The following STRN variants were observed in gnomAD, a reference collection of about 807,000 sequenced individuals.
STRN encodes the protein protein phosphatase 2 regulatory subunit B'''alpha.
STRN carries 53 observed loss-of-function variants against 96.3 expected under a neutral mutation model. That is an observed-to-expected ratio of 0.55 (90% CI 0.44 to 0.69). The LOEUF is 0.69. Among genes scored for constraint, STRN ranks in the 30% least tolerant of loss-of-function variants. The pLI is 0.00. For synonymous variants in STRN, 428 were observed against 355.9 expected (o/e 1.20, Z -2.28); for missense variants, 987 against 963.9 (o/e 1.02, Z -0.32).
chr2:36,948,224 C>T (rs1475649598), intron 1 of STRN, among the ~76,000 whole-genome samples: 1 of 151,210 alleles, frequency 6.6e-6, no homozygotes, highest in African/African-American at 2.4e-5. Flanking sequence ...GCCTCAGCCA[C>T]CTGAGTAGCT....
chr2:36,845,066 G>A lies in STRN; in HGVS notation c.*4390C>T, dbSNP rs1161577926. 1 of 152,080 alleles carries A rather than the reference G, an allele frequency of 6.6e-6. No individual in the cohort carries two copies. The highest frequency in any genetic ancestry group is 1.5e-5 in the Non-Finnish European group (1 of 67,998). 9.4% of individuals were successfully genotyped at this position (152,080 alleles called of 1,614,324 possible). A position where few individuals can be genotyped will look rare whatever the true frequency, so the allele number is the denominator to read the frequency against. ...CTGAGTAAATAAAATGAATGATTATGTACTTAATAGCCTTGTAGTCACTTT... is the reference window on the plus strand; with the variant it reads ...CTGAGTAAATAAAATGAATGATTATATACTTAATAGCCTTGTAGTCACTTT... On this transcript the variant is annotated 3_prime_UTR_variant, in exon 18 of 18. Transcript: ENST00000263918.
chr2:36,874,136 C>T (rs1030526419), intron 10 of STRN, among the ~76,000 whole-genome samples: 4 of 151,290 alleles, frequency 2.6e-5, no homozygotes, highest in Non-Finnish European at 5.9e-5. Context: ...TGGTGGCGGG[C>T]ACCTGCAGTC....
At chr2:36,904,369 G>C (rs1029941337) in intron 4 of STRN, among the ~76,000 whole-genome samples, 1 of 152,142 alleles carries the variant, frequency 6.6e-6, no homozygotes, top group African/African-American at 2.4e-5. Flanking sequence ...CAAAAAACCA[G>C]GTAGTACATT....
chr2:36,924,836 C>G (rs971536126), intron 2 of STRN, among the ~76,000 whole-genome samples: 2 of 152,184 alleles, frequency 1.3e-5, no homozygotes, highest in Admixed American at 6.5e-5. Context: ...GTGGGCAGAT[C>G]ACCTGAGGTC....
intron 1 of STRN, among the ~76,000 whole-genome samples, chr2:36,945,688 A>T (rs1670963230): frequency 1.3e-5 from 2 of 152,110 alleles, no homozygotes; most frequent in Non-Finnish European, 2.9e-5. Context: ...TGCAGAAGTA[A>T]AAATCCTAAA....
At chr2:36,887,306 TAA>T (rs1190332812) in intron 7 of STRN, among the ~76,000 whole-genome samples, 19 of 148,422 alleles carry the variant, frequency 1.3e-4, no homozygotes, top group African/African-American at 4.6e-4. Flanking sequence ...AATAAATAAA[TAA>T]ATAAATACAA....
intron 1 of STRN, among the ~76,000 whole-genome samples, chr2:36,965,262 T>C (rs368881058): frequency 9.2e-5 from 14 of 152,352 alleles, no homozygotes; most frequent in East Asian, 5.8e-4. Flanking sequence ...CAACTATTCA[T>C]AGTTCTTTAA....
intron 9 of STRN, 52 bp from the exon 10 acceptor site, chr2:36,878,079 T>G (rs758643282): frequency 6.3e-7 from 1 of 1,598,768 alleles, no homozygotes; most frequent in South Asian, 1.1e-5. Flanking sequence ...GAGCCAACAT[T>G]TAGTCTCATT....
At position 36,950,208 on chromosome 2, in the gene STRN, G is replaced by GT. The variant is rs1338547776; in HGVS notation, c.234+16021dup. Among the ~76,000 whole-genome samples, 217 of 124,032 alleles carry GT rather than the reference G, an allele frequency of 1.7e-3. 1 individual carries two copies. The highest frequency in any genetic ancestry group is 5.7e-3 in the African/African-American group (191 of 33,414). 81.4% of individuals were successfully genotyped at this position (124,032 alleles called of 152,430 possible). On this transcript the variant is annotated intron_variant, in intron 1 of 17. Coordinates refer to ENST00000263918, the MANE Select transcript of STRN (RefSeq NM_003162.4). ...TTGTTGTTACTGGTTGGTTGGTTTG[G>GT]TTTTGTTTTTTTTTTTTTTTTTTTT... is the stretch of plus-strand genomic sequence containing the variant.
At chr2:36,960,531 T>C (rs955991395) in intron 1 of STRN, among the ~76,000 whole-genome samples, 3 of 152,230 alleles carry the variant, frequency 2.0e-5, no homozygotes, top group Admixed American at 6.5e-5. Flanking sequence ...CAACCATTTA[T>C]TAAGCACTTA....
At chr2:36,947,407 T>C (rs1039130042) in intron 1 of STRN, among the ~76,000 whole-genome samples, 10 of 151,740 alleles carry the variant, frequency 6.6e-5, no homozygotes, top group Non-Finnish European at 1.0e-4. Context: ...TACTATAAAA[T>C]GCTAGATATA....
At position 36,958,601 on chromosome 2, in the gene STRN, AAGTC is replaced by A. The variant is rs1180069207; in HGVS notation, c.234+7625_234+7628del. ...ATATGTCATTCACAGACTGGAAAATAAGTCAGAATAAATTATCGAGAATAAAGCA... is the reference window on the plus strand; with the variant it reads ...ATATGTCATTCACAGACTGGAAAATAAGAATAAATTATCGAGAATAAAGCA... On this transcript the variant is annotated intron_variant, in intron 1 of 17. Coordinates refer to ENST00000263918, the MANE Select transcript of STRN (RefSeq NM_003162.4). Among the ~76,000 whole-genome samples, 4 of 152,380 alleles carry A rather than the reference AAGTC, an allele frequency of 2.6e-5. No individual in the cohort carries two copies. The East Asian group carries it at 7.7e-4, about 29-fold the overall frequency.
Position 36,899,509 on chromosome 2 carries a change from G to C in STRN, c.795+14C>G, listed in dbSNP as rs1325463687. 6.2e-7 allele frequency: 1 copy of C among 1,606,508 alleles called. No homozygotes were observed. Among genetic ancestry groups the C allele is most frequent in the African/African-American group, 1.3e-5 (1 of 74,144 alleles). On this transcript the variant is annotated intron_variant, in intron 6 of 17. Transcript: ENST00000263918. ...CCCTAAAAATATTTATATTGTATGA[G>C]TTATCTAACTCACTGTTGAAGTATC...
At chr2:36,893,794 T>C in intron 7 of STRN, 104 bp downstream of exon 7, 1 of 1,378,320 alleles carries the variant, frequency 7.3e-7, no homozygotes, top group Non-Finnish European at 9.7e-7. Flanking sequence ...GTTCACAGAA[T>C]GCTCAATATT....
At chr2:36,915,607 A>C (rs978093966) in intron 3 of STRN, among the ~76,000 whole-genome samples, 1 of 152,224 alleles carries the variant, frequency 6.6e-6, no homozygotes, top group African/African-American at 2.4e-5. Context: ...TCCTGTGGAC[A>C]AGAAAGACCA....
intron 7 of STRN, among the ~76,000 whole-genome samples, chr2:36,889,704 G>T (rs758051469): frequency 1.8e-4 from 28 of 151,940 alleles, no homozygotes; most frequent in Non-Finnish European, 3.8e-4. Context: ...GACAAGATTT[G>T]CAACCTAGTT....
chr2:36,930,458 A>G (rs1670543443), intron 1 of STRN, among the ~76,000 whole-genome samples: 1 of 151,752 alleles, frequency 6.6e-6, no homozygotes, highest in Non-Finnish European at 1.5e-5. Context: ...TGTCATTATC[A>G]TTTGGTGACA....
In STRN at chr2:36,884,081, C is replaced by CA. The variant is rs758783755; in HGVS notation, c.1043-7dup. The CA allele has an allele frequency of 4.1e-6, 5 of 1,222,362 alleles. No individual in the cohort carries two copies. Among genetic ancestry groups the CA allele is most frequent in the East Asian group, 6.4e-5 (2 of 31,314 alleles). 75.7% of individuals were successfully genotyped at this position (1,222,362 alleles called of 1,614,324 possible). ...TAGTTTTGACCTATTGGGCCCTAGC[C>CA]AAAAAAAGGGGGGGTGGGAGGAGAT... On this transcript the variant is annotated splice_region_variant and splice_polypyrimidine_tract_variant and intron_variant, in intron 8 of 17. Coordinates refer to ENST00000263918, the MANE Select transcript of STRN (RefSeq NM_003162.4).
At chr2:36,854,617 GTATA>G (rs1228154219) in intron 15 of STRN, among the ~76,000 whole-genome samples, 1 of 152,146 alleles carries the variant, frequency 6.6e-6, no homozygotes, top group Non-Finnish European at 1.5e-5. Context: ...TAAAACAAGA[GTATA>G]TGTATGTCGT....
Sources: allele counts gnomAD v4.1 joint callset (sites outside exome capture counted in the v4.1 genomes callset), GRCh38; gene constraint gnomAD v4.1.1; transcripts MANE v1.5; gene names NCBI Gene and HGNC (gene_info 2026-07-23, HGNC 2026-07-21).